SMC2: variants seen among roughly 807,000 people sequenced by gnomAD.
SMC2 encodes the protein structural maintenance of chromosomes 2, also known as structural maintenance of chromosomes protein 2.
SMC2 carries 41 observed loss-of-function variants against 142.6 expected under a neutral mutation model. The observed-to-expected ratio is 0.29, with a 90% confidence interval of 0.22 to 0.37. The LOEUF is 0.37. SMC2 is among the 10% of genes least tolerant of loss of function. The pLI, the probability that SMC2 is intolerant of heterozygous loss-of-function variation, is 1.00. For missense variants in SMC2, 1,265 were observed against 1,373.7 expected (o/e 0.92, Z 1.25); for synonymous variants, 463 against 457.5 (o/e 1.01, Z -0.15).
intron 4 of SMC2, among the ~76,000 whole-genome samples, chr9:104,099,197 T>A (rs1830836271): frequency 6.6e-6 from 1 of 152,150 alleles, no homozygotes; most frequent in Non-Finnish European, 1.5e-5. Flanking sequence ...AATGGTTTTC[T>A]GGCATTGATG....
intron 18 of SMC2, 46 bp downstream of exon 18, chr9:104,125,151 T>C (rs770494762): frequency 7.3e-7 from 1 of 1,379,256 alleles, no homozygotes; most frequent in Non-Finnish European, 9.9e-7. Context: ...AAAGTCAACA[T>C]AGAGCTGAAG....
At chr9:104,100,809 T>G (rs1308599706) in intron 7 of SMC2, among the ~76,000 whole-genome samples, 1 of 152,244 alleles carries the variant, frequency 6.6e-6, no homozygotes, top group African/African-American at 2.4e-5. Flanking sequence ...GCTATCACTA[T>G]AATTATTGCT....
At chr9:104,117,888 A>C (rs1240071149) in intron 14 of SMC2, among the ~76,000 whole-genome samples, 2 of 152,204 alleles carry the variant, frequency 1.3e-5, no homozygotes, top group Non-Finnish European at 2.9e-5. Context: ...GGACACTTAG[A>C]AACATGGTAA....
At chr9:104,102,318 TAATG>T (rs1471646562) in intron 8 of SMC2, 102 bp from the exon 9 acceptor site, 5 of 1,153,592 alleles carry the variant, frequency 4.3e-6, no homozygotes, top group Admixed American at 2.6e-5. Context: ...TATAGTAAGA[TAATG>T]AAATAACTTA....
rs1434470471 is a variant in SMC2, at chr9:104,095,438, C to G, written c.54C>G (p.Thr18=). 13 of 1,613,456 alleles carry G rather than the reference C, an allele frequency of 8.1e-6. No individual in the cohort carries two copies. In the South Asian group the frequency reaches 1.4e-4, roughly 18 times the overall value. ...LEGFKSYAQR[T]EVNGFDPLFN... ...GATTCAAGTCCTATGCTCAGAGGAC[C>G]GAAGTCAATGGTTTTGACCCCCTCT... is the stretch of plus-strand genomic sequence containing the variant. The change falls in exon 2 of 25, where the codon ACC becomes ACG. Residue 18 remains threonine, a synonymous_variant. Transcript: ENST00000374793.
In SMC2 at chr9:104,139,122, T is replaced by C. The variant is rs1234112401; in HGVS notation, c.3418-17T>C. 5 of 1,533,584 alleles carry C rather than the reference T, an allele frequency of 3.3e-6. No individual in the cohort carries two copies. Among genetic ancestry groups the C allele is most frequent in the African/African-American group, 2.9e-5 (2 of 69,756 alleles). The allele number at this position is 1,533,584 out of a possible 1,614,324, so 95.0% of individuals were successfully genotyped here. A position where few individuals can be genotyped will look rare whatever the true frequency, so the allele number is the denominator to read the frequency against. On this transcript the variant is annotated splice_polypyrimidine_tract_variant and intron_variant, in intron 24 of 24. Transcript: ENST00000374793. ...ATCACAAAAAGTTTTTTTATACTTT[T>C]TTCTTTTTTCCTTAAGTTCATTGTG... is the stretch of plus-strand genomic sequence containing the variant.
Position 104,102,404 on chromosome 9 carries a change from T to C in SMC2, c.871-20T>C, listed in dbSNP as rs961216071. Reference sequence around the variant, plus strand: ...AACAAATTTTACATAAGTGATTGAATTGACTGCATTTTGTTATAGGAAACT... The same window carrying C: ...AACAAATTTTACATAAGTGATTGAACTGACTGCATTTTGTTATAGGAAACT... On this transcript the variant is annotated intron_variant, in intron 8 of 24. Coordinates refer to ENST00000374793, the MANE Select transcript of SMC2 (RefSeq NM_006444.3). 1.6e-5 allele frequency: 25 copies of C among 1,581,036 alleles called. No individual in the cohort carries two copies. The highest frequency in any genetic ancestry group is 1.8e-5 in the Non-Finnish European group (21 of 1,166,596).
chr9:104,121,344 A>AAGTT (rs1833711735), intron 16 of SMC2, among the ~76,000 whole-genome samples: 1 of 151,688 alleles, frequency 6.6e-6, no homozygotes, highest in African/African-American at 2.4e-5. Context: ...AAACACAAAA[A>AAGTT]AGTTAGTCAG....
At chr9:104,115,937 G>A (rs1173601465) in intron 13 of SMC2, among the ~76,000 whole-genome samples, 1 of 151,456 alleles carries the variant, frequency 6.6e-6, no homozygotes, top group Non-Finnish European at 1.5e-5. Flanking sequence ...AAGATTCCAT[G>A]TACAAGTGAG....
In SMC2 at chr9:104,134,581, G is replaced by A; in HGVS notation, c.3269+6G>A. On this transcript the variant is annotated splice_donor_region_variant and intron_variant, in intron 23 of 24. Coordinates refer to ENST00000374793, the MANE Select transcript of SMC2 (RefSeq NM_006444.3). ...GAACTTAGTGGTGGTCAGAGGTGAG[G>A]AATCACTTTGCTATATTATAATTTT... The A allele has an allele frequency of 6.5e-7, 1 of 1,537,630 alleles. No homozygotes were observed. Among genetic ancestry groups the A allele is most frequent in the African/African-American group, 1.8e-5 (1 of 57,072 alleles).
At chr9:104,098,046 A>T (rs1437299367) in intron 3 of SMC2, among the ~76,000 whole-genome samples, 1 of 152,242 alleles carries the variant, frequency 6.6e-6, no homozygotes, top group Non-Finnish European at 1.5e-5. Flanking sequence ...CTTGTCAAGA[A>T]TTGATACTAA....
intron 17 of SMC2, among the ~76,000 whole-genome samples, chr9:104,123,624 G>A (rs748390877): frequency 1.3e-5 from 2 of 152,056 alleles, no homozygotes; most frequent in African/African-American, 2.4e-5. Context: ...GTTTATACTT[G>A]TGTGAATTTT....
chr9:104,093,204 A>T (rs1830080956), upstream of SMC2: 1 of 152,176 alleles, frequency 6.6e-6, no homozygotes, highest in Non-Finnish European at 1.5e-5. Context: ...AACCTCACTT[A>T]GGGTAACACC....
chr9:104,091,397 AG>A (rs1290755314), upstream of SMC2, among the ~76,000 whole-genome samples: 1 of 38,022 alleles, frequency 2.6e-5, no homozygotes, highest in Non-Finnish European at 5.6e-5. Flanking sequence ...ACTAAGCAAC[AG>A]GAATTATCCA....
intron 21 of SMC2, 103 bp downstream of exon 21, chr9:104,129,948 T>A (rs1016117754): frequency 1.2e-6 from 1 of 824,106 alleles, no homozygotes; most frequent in Non-Finnish European, 1.9e-6. Context: ...CTTTTGCAGA[T>A]GTCCTTGATA....
At chr9:104,128,338 T>TG (rs886739257) in intron 20 of SMC2, among the ~76,000 whole-genome samples, 2 of 152,208 alleles carry the variant, frequency 1.3e-5, no homozygotes, top group African/African-American at 4.8e-5. Flanking sequence ...AGCTTAGTGA[T>TG]AGTGGACTGA....
upstream of SMC2, among the ~76,000 whole-genome samples, chr9:104,090,686 A>G (rs1440043232): frequency 6.6e-6 from 1 of 152,230 alleles, no homozygotes; most frequent in African/African-American, 2.4e-5. Context: ...ATAATTGTCT[A>G]AAGGGACTCT....
At chr9:104,114,140 C>A in intron 12 of SMC2, 59 bp downstream of exon 12, 1 of 1,057,576 alleles carries the variant, frequency 9.5e-7, no homozygotes, top group Non-Finnish European at 1.4e-6. Flanking sequence ...TTTATTTAAG[C>A]TGGAAGCAGT....
rs78611471 is a variant in SMC2 at position 104,134,995 on chromosome 9, A to G, written c.3269+420A>G. Among the ~76,000 whole-genome samples, 151 of 152,230 alleles carry G rather than the reference A, an allele frequency of 9.9e-4. 1 individual carries two copies. Among genetic ancestry groups the G allele is most frequent in the Middle Eastern group, 3.4e-3 (1 of 294 alleles). ...TGCTGCACCTTGGCATTAGGTCTCT[A>G]CTGTCCCTGAAGTGAAGCCTAATGT... On this transcript the variant is annotated intron_variant, in intron 23 of 24. Coordinates refer to ENST00000374793, the MANE Select transcript of SMC2 (RefSeq NM_006444.3).
Sources: gnomAD v4.1 joint callset for allele counts (sites outside exome capture counted in the v4.1 genomes callset) on GRCh38, gnomAD v4.1.1 for gene constraint, MANE v1.5 for transcripts, NCBI Gene and HGNC (gene_info 2026-07-23, HGNC 2026-07-21) for gene names.